GLIS3: variants seen among roughly 807,000 people sequenced by gnomAD.
GLIS3 encodes zinc finger protein GLIS3.
In GLIS3, 53 loss-of-function variants were observed where a neutral mutation model predicts 78.6. The observed-to-expected ratio is 0.67, with a 90% CI of 0.54 to 0.85. The LOEUF (loss-of-function observed/expected upper bound fraction) is 0.85, where lower values mean the gene tolerates loss of function less well. GLIS3 is among the 40% of genes least tolerant of loss of function. GLIS3 has a pLI of 0.00. For missense variants in GLIS3, 1,703 were observed against 1,231.1 expected (o/e 1.38, Z -5.74); for synonymous variants, 684 against 509.9 (o/e 1.34, Z -4.60).
intron 4 of GLIS3, among the ~76,000 whole-genome samples, chr9:3,993,916 C>A (rs1820529625): frequency 6.6e-6 from 1 of 152,096 alleles, no homozygotes; most frequent in South Asian, 2.1e-4. Context: ...CTTATCTTTT[C>A]TGAACACTCA....
intron 2 of GLIS3, among the ~76,000 whole-genome samples, chr9:4,277,365 T>G (rs186343475): frequency 6.6e-6 from 1 of 152,226 alleles, no homozygotes; most frequent in Non-Finnish European, 1.5e-5. Context: ...TTAAAACCAA[T>G]TGAAATAGCC....
At position 4,167,045 on chromosome 9, in the gene GLIS3, C is replaced by T. The variant is rs148705109; in HGVS notation, c.389-41104G>A. 2.0e-3 allele frequency among the ~76,000 whole-genome samples: 302 copies of T among 151,960 alleles called. 4 individuals are homozygous for T. The highest frequency in any genetic ancestry group is 6.9e-3 in the African/African-American group (285 of 41,520). ...GAAAGACAGACGAACAAAACATTGA[C>T]GCAAGTGGAGAATCAGAAGTAAAAT... is the stretch of plus-strand genomic sequence containing the variant. On this transcript the variant is annotated intron_variant, in intron 2 of 10. Coordinates refer to ENST00000381971, the MANE Select transcript of GLIS3 (RefSeq NM_001042413.2).
At chr9:4,109,675 T>C (rs1481904204) in intron 4 of GLIS3, among the ~76,000 whole-genome samples, 1 of 152,230 alleles carries the variant, frequency 6.6e-6, no homozygotes, top group East Asian at 1.9e-4. Flanking sequence ...TTTGCATTTA[T>C]ATTAACTAGG....
chr9:4,109,883 G>C (rs928142412), intron 4 of GLIS3, among the ~76,000 whole-genome samples: 1 of 152,140 alleles, frequency 6.6e-6, no homozygotes, highest in African/African-American at 2.4e-5. Context: ...TTCTCTGTAA[G>C]AATTACTGTC....
chr9:4,254,732 C>T (rs555469520), intron 2 of GLIS3, among the ~76,000 whole-genome samples: 79 of 150,664 alleles, frequency 5.2e-4, no homozygotes, highest in African/African-American at 1.9e-3. Context: ...CCCAGCTACT[C>T]GGGAGGCTGA....
At chr9:3,851,932 C>T (rs1234421608) in intron 9 of GLIS3, among the ~76,000 whole-genome samples, 3 of 152,056 alleles carry the variant, frequency 2.0e-5, no homozygotes, top group Non-Finnish European at 4.4e-5. Flanking sequence ...TGCCTGAGGT[C>T]AGGAGTTTGA....
chr9:3,918,579 A>G (rs1824670000), intron 6 of GLIS3, among the ~76,000 whole-genome samples: 1 of 152,168 alleles, frequency 6.6e-6, no homozygotes, highest in South Asian at 2.1e-4. Context: ...CTATTACTAT[A>G]AATAATACAC....
At chr9:4,129,044 G>A (rs1342153923) in intron 2 of GLIS3, among the ~76,000 whole-genome samples, 1 of 152,190 alleles carries the variant, frequency 6.6e-6, no homozygotes, top group Non-Finnish European at 1.5e-5. Flanking sequence ...ACAACTATGA[G>A]GATGTTCTGG....
At chr9:4,465,380 T>G in the GLIS3 span, among the ~76,000 whole-genome samples, 1 of 152,292 alleles carries the variant, frequency 6.6e-6, no homozygotes, top group South Asian at 2.1e-4. Flanking sequence ...AAACCACATC[T>G]CTATTAAAAA....
intron 2 of GLIS3, among the ~76,000 whole-genome samples, chr9:4,181,165 T>C (rs769525479): frequency 3.9e-5 from 6 of 152,196 alleles, no homozygotes; most frequent in Non-Finnish European, 7.3e-5. Flanking sequence ...CAGGCATAGC[T>C]CCTCTCTGCA....
At chr9:4,244,834 C>T (rs1464150499) in intron 2 of GLIS3, among the ~76,000 whole-genome samples, 2 of 152,210 alleles carry the variant, frequency 1.3e-5, no homozygotes, top group East Asian at 1.9e-4. Flanking sequence ...CCTCAGCCTC[C>T]CAAAATGCTG....
chr9:4,243,429 T>C (rs1422176370), intron 2 of GLIS3, among the ~76,000 whole-genome samples: 1 of 151,972 alleles, frequency 6.6e-6, no homozygotes, highest in Non-Finnish European at 1.5e-5. Flanking sequence ...CATAGAGTAC[T>C]AACACAGGTA....
intron 2 of GLIS3, among the ~76,000 whole-genome samples, chr9:4,204,895 C>CA (rs79883131): frequency 0.084 from 12,221 of 145,104 alleles, 605 homozygotes; most frequent in East Asian, 0.24. Flanking sequence ...GCCTGGGTGA[C>CA]AAAGCAAAGC....
Position 3,829,386 on chromosome 9 carries a change from G to A in GLIS3, c.2580C>T (p.Cys860=). ...CCTGGCCCATGGATGTAGGGACTAGGCAGTCCTCAAACGAAGGCACCACAC... is the reference window on the plus strand; with the variant it reads ...CCTGGCCCATGGATGTAGGGACTAGACAGTCCTCAAACGAAGGCACCACAC... The part of the protein sequence containing the change: ...SCSVVPSFED[C]LVPTSMGQAS... The change falls in exon 10 of 11, where the codon TGC becomes TGT. Residue 860 remains cysteine, a synonymous_variant. Coordinates refer to ENST00000381971, the MANE Select transcript of GLIS3 (RefSeq NM_001042413.2). The A allele has an allele frequency of 6.2e-7, 1 of 1,614,084 alleles. No individual in the cohort carries two copies. The highest frequency in any genetic ancestry group is 8.5e-7 in the Non-Finnish European group (1 of 1,179,950).
chr9:4,270,915 G>C (rs377595865), intron 2 of GLIS3, among the ~76,000 whole-genome samples: 4 of 106,870 alleles, frequency 3.7e-5, no homozygotes, highest in African/African-American at 1.1e-4. Context: ...GTGTGTGTGT[G>C]TGTGTGTGTG....
the GLIS3 span, among the ~76,000 whole-genome samples, chr9:4,372,557 A>T: frequency 1.7e-3 from 186 of 111,878 alleles, no homozygotes; most frequent in African/African-American, 5.6e-3. Context: ...CCTCCAATAA[A>T]AAAAAAAAAA....
At chr9:3,998,134 G>C (rs1820870889) in intron 4 of GLIS3, among the ~76,000 whole-genome samples, 1 of 152,034 alleles carries the variant, frequency 6.6e-6, no homozygotes. Context: ...ATTACTCTTT[G>C]AGCATCTCCT....
At chr9:4,342,043 T>C (rs1242835195) in intron 2 of GLIS3, among the ~76,000 whole-genome samples, 1 of 152,214 alleles carries the variant, frequency 6.6e-6, no homozygotes, top group Admixed American at 6.5e-5. Flanking sequence ...TCCCATTCTG[T>C]AGTTTGTCTG....
intron 4 of GLIS3, among the ~76,000 whole-genome samples, chr9:3,998,576 C>T (rs1017106228): frequency 2.0e-5 from 3 of 151,332 alleles, no homozygotes; most frequent in South Asian, 4.2e-4. Flanking sequence ...GATTTTTTGT[C>T]CTTAAAATTT....
Sources: gnomAD v4.1 joint callset for allele counts (sites outside exome capture counted in the v4.1 genomes callset) on GRCh38, gnomAD v4.1.1 for gene constraint, MANE v1.5 for transcripts, NCBI Gene and HGNC (gene_info 2026-07-23, HGNC 2026-07-21) for gene names.